The following CAB39L variants were observed in gnomAD, a reference collection of about 807,000 sequenced individuals.
CAB39L encodes the protein calcium-binding protein 39-like.
A neutral mutation model predicts 39.1 loss-of-function variants in CAB39L; 23 were observed. The ratio of observed to expected loss-of-function variants is 0.59; its 90% CI spans 0.42 to 0.83. The LOEUF is 0.83. Among genes scored for constraint, CAB39L ranks in the 40% least tolerant of loss-of-function variants. The pLI is 0.00. For missense variants in CAB39L, 366 were observed against 391.9 expected (o/e 0.93, Z 0.56); for synonymous variants, 126 against 137.2 (o/e 0.92, Z 0.57).
intron 4 of CAB39L, 21 bp downstream of exon 4, chr13:49,382,779 T>A (rs956260660): frequency 5.6e-6 from 8 of 1,429,136 alleles, no homozygotes; most frequent in Non-Finnish European, 7.9e-6. Flanking sequence ...TTAATCATAA[T>A]GTTACTGTTT....
At chr13:49,378,423 C>A in intron 4 of CAB39L, among the ~76,000 whole-genome samples, 1 of 69,416 alleles carries the variant, frequency 1.4e-5, no homozygotes, top group East Asian at 2.7e-4. Flanking sequence ...GGGGGTCAGC[C>A]CCCCGCCCGG....
intron 6 of CAB39L, among the ~76,000 whole-genome samples, chr13:49,356,482 T>C (rs1955487770): frequency 6.6e-6 from 1 of 152,174 alleles, no homozygotes; most frequent in African/African-American, 2.4e-5. Context: ...TTATAATCTT[T>C]TCATAGAACT....
chr13:49,379,851 T>TG (rs1956215382), intron 4 of CAB39L, among the ~76,000 whole-genome samples: 1 of 151,596 alleles, frequency 6.6e-6, no homozygotes, highest in Admixed American at 6.6e-5. Flanking sequence ...AATCTTTTTT[T>TG]TTTTTTTTTA....
intron 7 of CAB39L, among the ~76,000 whole-genome samples, chr13:49,345,679 C>T: frequency 6.6e-6 from 1 of 151,992 alleles, no homozygotes; most frequent in Non-Finnish European, 1.5e-5. Context: ...ATAGAAACCC[C>T]ATGAGCAGTA....
At chr13:49,404,294 C>G (rs1303629003) in intron 3 of CAB39L, among the ~76,000 whole-genome samples, 2 of 152,200 alleles carry the variant, frequency 1.3e-5, no homozygotes, top group Admixed American at 1.3e-4. Flanking sequence ...CTCCTCAAGT[C>G]TGCAAGTCAC....
chr13:49,370,979 G>A (rs886513986), intron 5 of CAB39L, among the ~76,000 whole-genome samples: 1 of 151,822 alleles, frequency 6.6e-6, no homozygotes, highest in Non-Finnish European at 1.5e-5. Flanking sequence ...GTCCAGTGAG[G>A]GGCACAAAAT....
intron 10 of CAB39L, among the ~76,000 whole-genome samples, chr13:49,314,885 A>G (rs1226631446): frequency 1.3e-5 from 2 of 152,194 alleles, no homozygotes; most frequent in Non-Finnish European, 1.5e-5. Flanking sequence ...CAAATGGTAC[A>G]TGGCACACAG....
At chr13:49,420,293 A>T (rs973580614) in intron 3 of CAB39L, 1 of 152,238 alleles carries the variant, frequency 6.6e-6, no homozygotes, top group Non-Finnish European at 1.5e-5. Context: ...ATGCATAAAT[A>T]TACTTTAATG....
chr13:49,411,421 A>G (rs1956987903), intron 3 of CAB39L, among the ~76,000 whole-genome samples: 1 of 151,320 alleles, frequency 6.6e-6, no homozygotes, highest in Admixed American at 6.6e-5. Flanking sequence ...AAAAAAAAAA[A>G]AAAAAAGAAA....
At chr13:49,359,964 T>G (rs893468394) in intron 5 of CAB39L, 132 bp from the exon 6 acceptor site, 61 of 564,838 alleles carry the variant, frequency 1.1e-4, no homozygotes, top group Non-Finnish European at 1.6e-4. Flanking sequence ...AAAAAAACGT[T>G]AACTTACTCT....
intron 8 of CAB39L, among the ~76,000 whole-genome samples, chr13:49,340,846 G>C (rs867293796): frequency 1.3e-5 from 2 of 152,184 alleles, no homozygotes; most frequent in South Asian, 2.1e-4. Context: ...AGGTTTGAAG[G>C]GGCATGAGTT....
At chr13:49,408,973 GTCTAATT>G (rs769699358) in intron 3 of CAB39L, among the ~76,000 whole-genome samples, 6 of 152,204 alleles carry the variant, frequency 3.9e-5, no homozygotes, top group Non-Finnish European at 5.9e-5. Flanking sequence ...TAACCCTGTA[GTCTAATT>G]TCTAAGTCCC....
chr13:49,363,988 A>AAAAC (rs1347753675), intron 5 of CAB39L, among the ~76,000 whole-genome samples: 3 of 152,132 alleles, frequency 2.0e-5, no homozygotes, highest in Non-Finnish European at 4.4e-5. Context: ...CATGCTAATG[A>AAAAC]AAACAAACAA....
At chr13:49,422,731 C>T (rs1300617704) in intron 3 of CAB39L, among the ~76,000 whole-genome samples, 1 of 151,856 alleles carries the variant, frequency 6.6e-6, no homozygotes, top group Non-Finnish European at 1.5e-5. Flanking sequence ...TATAAATGCA[C>T]CCGGCTTCCC....
chr13:49,369,725 C>T lies in CAB39L; in HGVS notation c.276+7242G>A, dbSNP rs144654931. Among the ~76,000 whole-genome samples the T allele has an allele frequency of 8.0e-3, 1,213 of 152,018 alleles. 13 individuals are homozygous for T. Among genetic ancestry groups the T allele is most frequent in the African/African-American group, 0.028 (1,150 of 41,444 alleles). ...GCCTCAACCTCCCGAGTAGCTGAGA[C>T]TACAGGTGCACACCACCACACCCGG... On this transcript the variant is annotated intron_variant, in intron 5 of 10. Coordinates refer to ENST00000409308, the MANE Select transcript of CAB39L (RefSeq NM_001079670.3).
chr13:49,371,849 C>A (rs1955927411), intron 5 of CAB39L, among the ~76,000 whole-genome samples: 1 of 152,114 alleles, frequency 6.6e-6, no homozygotes, highest in Non-Finnish European at 1.5e-5. Flanking sequence ...ACCTCAGTCT[C>A]CCAAAGTGCT....
chr13:49,408,817 T>A (rs1439998639), intron 3 of CAB39L, among the ~76,000 whole-genome samples: 2 of 151,318 alleles, frequency 1.3e-5, no homozygotes, highest in African/African-American at 4.9e-5. Flanking sequence ...GGCAACAGAG[T>A]GAGACCCTGT....
At chr13:49,434,022 A>G (rs1026742494) in intron 2 of CAB39L, 64 bp downstream of exon 2, 8 of 349,440 alleles carry the variant, frequency 2.3e-5, no homozygotes, top group Admixed American at 8.4e-5. Context: ...TGTAAAATCT[A>G]TCTCCATCAC....
rs576247006 is a variant in CAB39L at position 49,338,249 on chromosome 13, C to A, written c.690+1428G>T. Among the ~76,000 whole-genome samples the A allele has an allele frequency of 4.0e-4, 61 of 151,958 alleles. No homozygotes were observed. The Middle Eastern group carries it at 0.01, about 25-fold the overall frequency. ...CACAATAGCAAAGACTTGGAACCAA[C>A]CCAAATGTCCAACAATGATAGACTG... On this transcript the variant is annotated intron_variant, in intron 9 of 10. Transcript: ENST00000409308.
Sources: allele counts gnomAD v4.1 joint callset (sites outside exome capture counted in the v4.1 genomes callset), GRCh38; gene constraint gnomAD v4.1.1; transcripts MANE v1.5; gene names NCBI Gene and HGNC (gene_info 2026-07-23, HGNC 2026-07-21).